The following MCM7 variants were observed in gnomAD, a reference collection of about 807,000 sequenced individuals.
MCM7 encodes the protein minichromosome maintenance complex component 7, also known as DNA replication licensing factor MCM7.
MCM7 carries 95 observed loss-of-function variants against 83.5 expected under a neutral mutation model. That is an observed-to-expected ratio of 1.14 (90% CI 0.96 to 1.35). MCM7 has a LOEUF of 1.35. MCM7 is among the 40% of genes most tolerant of loss of function. MCM7 has a pLI of 0.00. For synonymous variants in MCM7, 461 were observed against 352.7 expected, an observed-to-expected ratio of 1.31 and a Z score of -3.44; for missense variants, 1,087 against 957.4, an observed-to-expected ratio of 1.14 and a Z score of -1.79.
chr7:100,099,292 G>C lies in MCM7; in HGVS notation c.388C>G (p.Leu130Val). 2.5e-6 allele frequency: 4 copies of C among 1,614,052 alleles called. No individual in the cohort carries two copies. The highest frequency in any genetic ancestry group is 3.4e-6 in the Non-Finnish European group (4 of 1,180,014). The stretch of plus-strand genomic sequence containing the variant: ...GAGACCACTCACAATCTGCGCATGA[G>C]TTCAGCAGGGTACTGGTTCTGGGGG... ...RSPQNQYPAE[L>V]MRRFELYFQG... Residue 130 changes from leucine (L) to valine (V), a missense_variant, in exon 4 of 15, where the codon CTC becomes GTC. Coordinates refer to ENST00000303887, the MANE Select transcript of MCM7 (RefSeq NM_005916.5).
rs185895499 is a variant in MCM7, at chr7:100,099,304, A to G, written c.376T>C (p.Tyr126His). The G allele has an allele frequency of 6.8e-6, 11 of 1,613,864 alleles. No individual in the cohort carries two copies. The highest frequency in any genetic ancestry group is 1.3e-5 in the African/African-American group (1 of 74,968). ...AATCTGCGCATGAGTTCAGCAGGGT[A>G]CTGGTTCTGGGGGCTTCGGACCATC... ...PGMVRSPQNQ[Y>H]PAELMRRFEL... is the part of the protein sequence containing the mutation. The change falls in exon 4 of 15, where the codon TAC (tyrosine) becomes CAC (histidine). Residue 126 changes from tyrosine (Y) to histidine (H), a missense_variant. Transcript: ENST00000303887.
chr7:100,100,644 A>C lies in MCM7; in HGVS notation c.32-551T>G, dbSNP rs1279601261. 9 of 989,646 alleles carry C rather than the reference A, an allele frequency of 9.1e-6. No homozygotes were observed. In the Admixed American group the frequency reaches 5.5e-4, roughly 60 times the overall value. 61.3% of individuals were successfully genotyped at this position (989,646 alleles called of 1,614,324 possible). A position where few individuals can be genotyped will look rare whatever the true frequency, so the allele number is the denominator to read the frequency against. On this transcript the variant is annotated intron_variant, in intron 1 of 14. Coordinates refer to ENST00000303887, the MANE Select transcript of MCM7 (RefSeq NM_005916.5). Reference sequence around the variant, plus strand: ...TCACACCCAGAGACACCGCGATCCCAGCCCACTGCCGCCTTTCCCGGGCCC... The same window carrying C: ...TCACACCCAGAGACACCGCGATCCCCGCCCACTGCCGCCTTTCCCGGGCCC...
In MCM7 at chr7:100,099,398, T is replaced by C. The variant is rs1373919761; in HGVS notation, c.282A>G (p.Val94=). 7 of 1,557,106 alleles carry C rather than the reference T, an allele frequency of 4.5e-6. No homozygotes were observed. Among genetic ancestry groups the C allele is most frequent in the Non-Finnish European group, 6.1e-6 (7 of 1,144,008 alleles). The change falls in exon 4 of 15, where the codon GTA becomes GTG. Residue 94 remains valine (V), a synonymous_variant. Coordinates refer to ENST00000303887, the MANE Select transcript of MCM7 (RefSeq NM_005916.5). ...TGTAAACGTCCAGGACATCTTTATT[T>C]ACCACCTAAAGGAGAAGAACAAAAA... The part of the protein sequence containing the change: ...LLPQYKEREV[V]NKDVLDVYIE...
At chr7:100,098,765 C>T in intron 5 of MCM7, 50 bp from the exon 6 acceptor site, 1 of 1,606,490 alleles carries the variant, frequency 6.2e-7, no homozygotes, top group Non-Finnish European at 8.5e-7. Context: ...GAAAAGAGCC[C>T]CATTGGGTCG....
Position 100,095,593 on chromosome 7 carries a change from A to AATCCTCATCAGC in MCM7, c.1596-135_1596-124dup, listed in dbSNP as rs1417221506. 2.5e-5 allele frequency: 32 copies of AATCCTCATCAGC among 1,297,176 alleles called. No individual in the cohort carries two copies. In the African/African-American group the frequency reaches 4.4e-4, roughly 18 times the overall value. The allele number at this position is 1,297,176 out of a possible 1,614,324, so 80.4% of individuals were successfully genotyped here. ...GTAGGAGGGACAAGCTTTCCCGGGA[A>AATCCTCATCAGC]ATCCTCATCAGCATTTCAGCCCCAA... On this transcript the variant is annotated intron_variant, in intron 11 of 14. Transcript: ENST00000303887.
In MCM7 at chr7:100,094,073, G is replaced by A. The variant is rs1379341104; in HGVS notation, c.1848+100C>T. ...CACTGTCAGCACTTTAGCCCCGGCA[G>A]GGCTGGAGCGGGAGGTGGGGAGGCG... On this transcript the variant is annotated intron_variant, in intron 13 of 14. Coordinates refer to ENST00000303887, the MANE Select transcript of MCM7 (RefSeq NM_005916.5). 3 of 1,459,484 alleles carry A rather than the reference G, an allele frequency of 2.1e-6. No individual in the cohort carries two copies. The African/African-American group carries it at 4.2e-5, about 20-fold the overall frequency. 90.4% of individuals were successfully genotyped at this position (1,459,484 alleles called of 1,614,324 possible). A position where few individuals can be genotyped will look rare whatever the true frequency, so the allele number is the denominator to read the frequency against.
chr7:100,093,020 G>A lies in MCM7; in HGVS notation c.2072C>T (p.Pro691Leu). 6.2e-7 allele frequency: 1 copy of A among 1,614,226 alleles called. No homozygotes were observed. The highest frequency in any genetic ancestry group is 2.2e-5 in the East Asian group (1 of 44,886). ...ATCCAGAGCCGCCTGGAACTGGGCG[G>A]GTGTGAAGCCACGAGATACACAGCG... ...EQRCVSRGFT[P>L]AQFQAALDEY... The change falls in exon 15 of 15, where the codon CCC becomes CTC. Residue 691 changes from proline (P) to leucine (L), a missense_variant. Physicochemically the swap from Pro to Leu is moderately conservative, Grantham distance 98. Coordinates refer to ENST00000303887, the MANE Select transcript of MCM7 (RefSeq NM_005916.5).
At chr7:100,098,951 T>C in intron 5 of MCM7, 72 bp downstream of exon 5, 1 of 1,584,324 alleles carries the variant, frequency 6.3e-7, no homozygotes, top group Non-Finnish European at 8.6e-7. Flanking sequence ...ACAATAGGCA[T>C]CACAGGATCA....
chr7:100,092,766 C>G lies in MCM7; in HGVS notation c.*166G>C. 1.4e-6 allele frequency: 1 copy of G among 707,096 alleles called. No individual in the cohort carries two copies. Among genetic ancestry groups the G allele is most frequent in the South Asian group, 1.9e-5 (1 of 53,232 alleles). 43.8% of individuals were successfully genotyped at this position (707,096 alleles called of 1,614,324 possible). A position where few individuals can be genotyped will look rare whatever the true frequency, so the allele number is the denominator to read the frequency against. On this transcript the variant is annotated 3_prime_UTR_variant, in exon 15 of 15. Transcript: ENST00000303887. ...AAACCCTGTTTTAATGGAAGTCAGG[C>G]CCAGGCTAGAAGATGACAATCTACA...
chr7:100,099,324 A>G lies in MCM7; in HGVS notation c.356T>C (p.Val119Ala). 6.2e-7 allele frequency: 1 copy of G among 1,613,226 alleles called. No individual in the cohort carries two copies. The highest frequency in any genetic ancestry group is 8.5e-7 in the Non-Finnish European group (1 of 1,179,870). ...AGGGTACTGGTTCTGGGGGCTTCGGACCATCCCAGGGTCCCGACTCCGCTG... is the reference window on the plus strand; with the variant it reads ...AGGGTACTGGTTCTGGGGGCTTCGGGCCATCCCAGGGTCCCGACTCCGCTG... ...MEQRSRDPGM[V>A]RSPQNQYPAE... Residue 119 changes from valine to alanine, a missense_variant, in exon 4 of 15, where the codon GTC becomes GCC. Transcript: ENST00000303887.
At chr7:100,095,169 G>A (rs961343757) in intron 12 of MCM7, among the ~76,000 whole-genome samples, 3 of 152,112 alleles carry the variant, frequency 2.0e-5, no homozygotes, top group Non-Finnish European at 1.5e-5. Context: ...GCAAGACTTC[G>A]TCTCAAAAAA....
chr7:100,092,894 G>A lies in MCM7; in HGVS notation c.*38C>T. The A allele has an allele frequency of 6.2e-7, 1 of 1,612,220 alleles. No homozygotes were observed. The highest frequency in any genetic ancestry group is 8.5e-7 in the Non-Finnish European group (1 of 1,178,346). ...CCCCTTCCCAAGGGGCAGGCCAGCA[G>A]GGAACAAGAGGACCCCAGGGTTGCA... On this transcript the variant is annotated 3_prime_UTR_variant, in exon 15 of 15. Coordinates refer to ENST00000303887, the MANE Select transcript of MCM7 (RefSeq NM_005916.5).
At chr7:100,101,103 G>A in intron 1 of MCM7, 161 bp downstream of exon 1, 1 of 854,732 alleles carries the variant, frequency 1.2e-6, no homozygotes, top group Non-Finnish European at 1.8e-6. Context: ...ACGCTTCCCA[G>A]GCCCCGTGGG....
rs756137873 is a variant in MCM7 at position 100,095,810 on chromosome 7, A to G, written c.1559T>C (p.Leu520Pro). The G allele has an allele frequency of 6.2e-6, 10 of 1,603,018 alleles. No individual in the cohort carries two copies. Among genetic ancestry groups the G allele is most frequent in the Non-Finnish European group, 8.5e-6 (10 of 1,175,314 alleles). ...GTCTCGGTCGGGCCGGTCCTGAATC[A>G]GCCAGAGGAGGTCAAACCGGGAGAG... ...ALLSRFDLLWLIQDRPDRDND... is the reference protein window; with the variant it reads ...ALLSRFDLLWPIQDRPDRDND... The change falls in exon 11 of 15, where the codon CTG (leucine) becomes CCG (proline). Residue 520 changes from leucine to proline, a missense_variant. Leu to Pro is a moderately conservative substitution (Grantham distance 98). Coordinates refer to ENST00000303887, the MANE Select transcript of MCM7 (RefSeq NM_005916.5).
rs752169854 is a variant in MCM7, at chr7:100,094,339, C to A, written c.1682G>T (p.Arg561Leu). ...FEPLDMKLMRRYIAMCREKQP... is the reference protein window; with the variant it reads ...FEPLDMKLMRLYIAMCREKQP... ...CTTCTCGCGGCACATGGCTATGTAA[C>A]GCCTGTGGGGGAAGGTTCATGGGGA... Residue 561 changes from arginine (R) to leucine (L), a missense_variant and splice_region_variant, in exon 13 of 15, where the codon CGT becomes CTT. By Grantham distance (102) the Arg-to-Leu change is moderately radical. Coordinates refer to ENST00000303887, the MANE Select transcript of MCM7 (RefSeq NM_005916.5). The A allele has an allele frequency of 1.2e-6, 2 of 1,613,956 alleles. No homozygotes were observed. Among genetic ancestry groups the A allele is most frequent in the South Asian group, 2.2e-5 (2 of 91,082 alleles).
intron 12 of MCM7, 52 bp downstream of exon 12, chr7:100,095,335 A>G: frequency 6.6e-7 from 1 of 1,513,372 alleles, no homozygotes; most frequent in Non-Finnish European, 9.0e-7. Flanking sequence ...CTTTTTCAGG[A>G]GGCTCGCACG....
At position 100,098,490 on chromosome 7, in the gene MCM7, C is replaced by G. The variant is rs903374865; in HGVS notation, c.720+88G>C. ...CCCTCCTGCACTTCCCTCTTTTGTT[C>G]TTCTTTCTTCCTGCCATTCCACAAG... On this transcript the variant is annotated intron_variant, in intron 6 of 14. Coordinates refer to ENST00000303887, the MANE Select transcript of MCM7 (RefSeq NM_005916.5). The G allele has an allele frequency of 2.2e-5, 34 of 1,581,240 alleles. 1 individual carries two copies. The highest frequency in any genetic ancestry group is 1.8e-4 in the Middle Eastern group (1 of 5,616).
intron 1 of MCM7, 32 bp from the exon 2 acceptor site, chr7:100,100,125 A>G (rs1177873819): frequency 4.3e-6 from 7 of 1,611,290 alleles, no homozygotes. Context: ...CGTAAGACAC[A>G]AACTTTAAGA....
Position 100,093,302 on chromosome 7 carries a change from G to A in MCM7, c.1948C>T (p.Gln650Ter), listed in dbSNP as rs758347168. The change falls in exon 14 of 15, where the codon CAG (glutamine) becomes TAG (stop). Residue 650 changes from glutamine (Q) to a stop codon, truncating the protein, a stop_gained. Transcript: ENST00000303887. LOFTEE classifies it high-confidence loss of function. ...CACTAAACCACTCACCTAGCTGTCTGCCCCTTGTCTCCTAGAAGAGAGTCC... is the reference window on the plus strand; with the variant it reads ...CACTAAACCACTCACCTAGCTGTCTACCCCTTGTCTCCTAGAAGAGAGTCC... ...SKDSLLGDKG[Q>*]TARTQRPADV... The A allele has an allele frequency of 3.1e-6, 5 of 1,613,386 alleles. No homozygotes were observed. In the Admixed American group the frequency reaches 6.7e-5, roughly 22 times the overall value.
Sources: gnomAD v4.1 joint callset for allele counts (sites outside exome capture counted in the v4.1 genomes callset) on GRCh38, gnomAD v4.1.1 for gene constraint, MANE v1.5 for transcripts, NCBI Gene and HGNC (gene_info 2026-07-23, HGNC 2026-07-21) for gene names.